The following WNK4 variants were observed in gnomAD, a reference collection of about 807,000 sequenced individuals.
The protein encoded by WNK4 is serine/threonine-protein kinase WNK4.
A neutral mutation model predicts 116.2 loss-of-function variants in WNK4; 94 were observed. The observed-to-expected ratio is 0.81, with a 90% CI of 0.68 to 0.96. The LOEUF is 0.96. WNK4 is among the 40% of genes least tolerant of loss of function. The probability of loss-of-function intolerance (pLI) is 0.00; values close to 1 mark genes in which losing one functional copy is unlikely to be tolerated. For missense variants in WNK4, 1,542 were observed against 1,650.6 expected, an observed-to-expected ratio of 0.93 and a Z score of 1.14; for synonymous variants, 655 against 672.7, an observed-to-expected ratio of 0.97 and a Z score of 0.41.
At chr17:42,790,216 C>G (rs1597900647) in intron 11 of WNK4, among the ~76,000 whole-genome samples, 1 of 152,146 alleles carries the variant, frequency 6.6e-6, no homozygotes. Context: ...ATAAGTTACT[C>G]TGTAATCCAG....
intron 10 of WNK4, 74 bp from the exon 11 acceptor site, chr17:42,788,607 G>A (rs755352419): frequency 3.0e-6 from 4 of 1,331,968 alleles, no homozygotes; most frequent in Non-Finnish European, 4.3e-6. Context: ...CTGTCACTTG[G>A]CTGGGGTAGG....
intron 2 of WNK4, 171 bp from the exon 3 acceptor site, chr17:42,783,766 T>G: frequency 1.5e-6 from 1 of 674,358 alleles, no homozygotes; most frequent in Non-Finnish European, 2.6e-6. Context: ...CTATCCACCA[T>G]GCCCCCTGAC....
rs760019916 is a variant in WNK4 at position 42,796,458 on chromosome 17, T to A, written c.3632-23T>A. The A allele has an allele frequency of 2.5e-6, 4 of 1,613,930 alleles. No individual in the cohort carries two copies. In the Admixed American group the frequency reaches 6.7e-5, roughly 27 times the overall value. Reference sequence around the variant, plus strand: ...CCTCCCCTTTCCTCACTTAGTGCTCTCCTTCCCCCATCCTGCTCCCAGGCA... The same window carrying A: ...CCTCCCCTTTCCTCACTTAGTGCTCACCTTCCCCCATCCTGCTCCCAGGCA... On this transcript the variant is annotated intron_variant, in intron 17 of 18. Transcript: ENST00000246914.
chr17:42,787,778 C>T lies in WNK4; in HGVS notation c.1742C>T (p.Ser581Leu), dbSNP rs2054566711. 4.3e-6 allele frequency: 7 copies of T among 1,611,766 alleles called. No individual in the cohort carries two copies. The highest frequency in any genetic ancestry group is 4.2e-6 in the Non-Finnish European group (5 of 1,180,028). The change falls in exon 8 of 19, where the codon TCG becomes TTG. Residue 581 changes from serine (S) to leucine (L), a missense_variant and splice_region_variant. Transcript: ENST00000246914. ...TTTGATCCTCTCCCTCCCCAACCAG[C>T]GGATTGCGAGACTGATGGCTACCTC... ...FRHASYSSTT[S>L]DCETDGYLSS...
rs561117087 is a variant in WNK4, at chr17:42,785,907, A to G, written c.1476+425A>G. Among the ~76,000 whole-genome samples, 53 of 152,040 alleles carry G rather than the reference A, an allele frequency of 3.5e-4. 1 individual carries two copies. The highest frequency in any genetic ancestry group is 1.3e-3 in the African/African-American group (52 of 41,462). ...CATGTTCTCGGTTACAGCACTCCCC[A>G]CTATCGGTCCTGTCTTAAACCTGAA... On this transcript the variant is annotated intron_variant, in intron 6 of 18. Coordinates refer to ENST00000246914, the MANE Select transcript of WNK4 (RefSeq NM_032387.5).
Position 42,785,413 on chromosome 17 carries a change from G to A in WNK4, c.1407G>A (p.Arg469=), listed in dbSNP as rs1352064466. 5.7e-6 allele frequency: 9 copies of A among 1,568,306 alleles called. No homozygotes were observed. Among genetic ancestry groups the A allele is most frequent in the Non-Finnish European group, 7.8e-6 (9 of 1,156,276 alleles). Residue 469 remains arginine (R), a synonymous_variant, in exon 6 of 19, where the codon CGG becomes CGA. Coordinates refer to ENST00000246914, the MANE Select transcript of WNK4 (RefSeq NM_032387.5). ...MEDARRGGRP[R]DNQAIEFLFQ... ...ACGCGCGGCGCGGGGGGCGCCCACGGGACAACCAGGCCATCGAGTTCCTGT... is the reference window on the plus strand; with the variant it reads ...ACGCGCGGCGCGGGGGGCGCCCACGAGACAACCAGGCCATCGAGTTCCTGT...
chr17:42,788,353 A>T lies in WNK4; in HGVS notation c.1986A>T (p.Arg662Ser). 1 of 1,613,444 alleles carries T rather than the reference A, an allele frequency of 6.2e-7. No homozygotes were observed. The highest frequency in any genetic ancestry group is 1.3e-5 in the African/African-American group (1 of 74,894). The change falls in exon 10 of 19, where the codon AGA (arginine) becomes AGT (serine). Residue 662 changes from arginine (R) to serine (S), a missense_variant. This residue lies in a region of WNK4 where 808 missense variants were observed against 873.6 expected (regional missense o/e 0.92). Coordinates refer to ENST00000246914, the MANE Select transcript of WNK4 (RefSeq NM_032387.5). ...DVGEGMGQMR[R>S]PPGRNLRRRP... The stretch of plus-strand genomic sequence containing the variant: ...GAGAAGGGATGGGACAAATGAGGAG[A>T]CCCCCAGGGAGGAATCTCCGGCGCA...
At position 42,788,358 on chromosome 17, in the gene WNK4, C is replaced by T. The variant is rs751681621; in HGVS notation, c.1991C>T (p.Pro664Leu). The part of the protein sequence containing the change: ...GEGMGQMRRP[P>L]GRNLRRRPRS... ...GGGATGGGACAAATGAGGAGACCCCCAGGGAGGAATCTCCGGCGCAGACCC... is the reference window on the plus strand; with the variant it reads ...GGGATGGGACAAATGAGGAGACCCCTAGGGAGGAATCTCCGGCGCAGACCC... Residue 664 changes from proline to leucine, a missense_variant, in exon 10 of 19, where the codon CCA becomes CTA. Around this residue, in one of 7 missense-constraint regions of WNK4, gnomAD observed 808 missense variants for 873.6 expected, o/e 0.92. Coordinates refer to ENST00000246914, the MANE Select transcript of WNK4 (RefSeq NM_032387.5). The T allele has an allele frequency of 1.5e-5, 24 of 1,613,700 alleles. No homozygotes were observed. In the East Asian group the frequency reaches 3.3e-4, roughly 22 times the overall value.
rs757371677 is a variant in WNK4 at position 42,794,821 on chromosome 17, C to T, written c.2400C>T (p.Phe800=). Residue 800 remains phenylalanine, a synonymous_variant, in exon 14 of 19, where the codon TTC becomes TTT. Transcript: ENST00000246914. ...TSLEHRSWTA[F]STSSSSPGTP... ...TGGAGCACAGGAGCTGGACAGCCTT[C>T]TCCACCTCCTCATCTTCTCCTGGAA... 11 of 1,613,952 alleles carry T rather than the reference C, an allele frequency of 6.8e-6. No individual in the cohort carries two copies. Among genetic ancestry groups the T allele is most frequent in the Middle Eastern group, 1.6e-4 (1 of 6,062 alleles).
intron 10 of WNK4, 39 bp from the exon 11 acceptor site, chr17:42,788,642 G>T: frequency 6.5e-7 from 1 of 1,536,908 alleles, no homozygotes; most frequent in South Asian, 1.1e-5. Context: ...TGATGAAGAG[G>T]GCTTGACCTT....
chr17:42,794,333 C>T, intron 12 of WNK4: 1 of 514,000 alleles, frequency 1.9e-6, no homozygotes, highest in South Asian at 2.5e-5. Context: ...CCAGATTTGC[C>T]ACTTGTTAGT....
At position 42,780,987 on chromosome 17, in the gene WNK4, A is replaced by T; in HGVS notation, c.289A>T (p.Ser97Cys). ...PDSAGPGPAR[S>C]PPPSSKEPPE... ...CTCCGCTGGTCCTGGCCCCGCGAGG[A>T]GCCCACCGCCTAGCTCCAAAGAACC... Residue 97 changes from serine to cysteine, a missense_variant, in exon 1 of 19, where the codon AGC becomes TGC. This residue lies in a region of WNK4 where 243 missense variants were observed against 217.8 expected (regional missense o/e 1.12). Coordinates refer to ENST00000246914, the MANE Select transcript of WNK4 (RefSeq NM_032387.5). 6.2e-7 allele frequency: 1 copy of T among 1,610,070 alleles called. No individual in the cohort carries two copies. The highest frequency in any genetic ancestry group is 8.5e-7 in the Non-Finnish European group (1 of 1,179,268).
At chr17:42,794,056 G>A (rs59534595) in intron 12 of WNK4, 17,407 of 348,710 alleles carry the variant, frequency 0.05, 1,659 homozygotes, top group African/African-American at 0.24. Context: ...GGGTTTCACC[G>A]TGTTAGCCAG....
At position 42,793,705 on chromosome 17, in the gene WNK4, T is replaced by C. The variant is rs1341100962; in HGVS notation, c.2271T>C (p.Ala757=). The C allele has an allele frequency of 6.2e-7, 1 of 1,614,146 alleles. No homozygotes were observed. Among genetic ancestry groups the C allele is most frequent in the Admixed American group, 1.7e-5 (1 of 60,018 alleles). The change falls in exon 12 of 19, where the codon GCT becomes GCC. Residue 757 remains alanine (A), a synonymous_variant. Coordinates refer to ENST00000246914, the MANE Select transcript of WNK4 (RefSeq NM_032387.5). ...AGAGAGACACTGGCCCCATGGAGGC[T>C]GCTGAAGACACCCTAAGCCCCCAGG... is the stretch of plus-strand genomic sequence containing the variant. ...LLKRDTGPME[A]AEDTLSPQEE...
At position 42,781,264 on chromosome 17, in the gene WNK4, A is replaced by G. The variant is rs770964274; in HGVS notation, c.566A>G (p.Tyr189Cys). 3.1e-6 allele frequency: 5 copies of G among 1,614,168 alleles called. No homozygotes were observed. Among genetic ancestry groups the G allele is most frequent in the Non-Finnish European group, 4.2e-6 (5 of 1,180,014 alleles). ...EIGRGSFKTV[Y>C]RGLDTDTTVE... Reference sequence around the variant, plus strand: ...GGACGTGGCTCCTTCAAGACGGTGTATCGAGGGCTAGACACCGACACCACA... The same window carrying G: ...GGACGTGGCTCCTTCAAGACGGTGTGTCGAGGGCTAGACACCGACACCACA... Residue 189 changes from tyrosine (Y) to cysteine (C), a missense_variant, in exon 1 of 19, where the codon TAT becomes TGT. By Grantham distance (194) the Tyr-to-Cys change is radical. Coordinates refer to ENST00000246914, the MANE Select transcript of WNK4 (RefSeq NM_032387.5).
rs376404874 is a variant in WNK4 at position 42,793,640 on chromosome 17, C to T, written c.2206C>T (p.Arg736Trp). The change falls in exon 12 of 19, where the codon CGG (arginine) becomes TGG (tryptophan). Residue 736 changes from arginine to tryptophan, a missense_variant. Physicochemically the swap from Arg to Trp is moderately radical, Grantham distance 101. Coordinates refer to ENST00000246914, the MANE Select transcript of WNK4 (RefSeq NM_032387.5). ...LPSERDGFLR[R>W]IREIIQRVET... ...TTCGGAGCGAGATGGATTTCTCAGA[C>T]GGATTCGGGAGATTATCCAGCGAGT... 27 of 1,613,952 alleles carry T rather than the reference C, an allele frequency of 1.7e-5. No individual in the cohort carries two copies. Among genetic ancestry groups the T allele is most frequent in the Admixed American group, 8.3e-5 (5 of 59,996 alleles).
In WNK4 at chr17:42,796,531, C is replaced by G; in HGVS notation, c.3682C>G (p.Gln1228Glu). ...LSGSSTGSQE[Q>E]RASKGVTFAG... ...TGGCAGCAGCACCGGCTCCCAGGAG[C>G]AGCGGGCAAGCAAGGGGGTGACATT... The change falls in exon 18 of 19, where the codon CAG (glutamine) becomes GAG (glutamate). Residue 1228 changes from glutamine to glutamate, a missense_variant. Transcript: ENST00000246914. 1.2e-6 allele frequency: 2 copies of G among 1,614,070 alleles called. No individual in the cohort carries two copies. Among genetic ancestry groups the G allele is most frequent in the South Asian group, 1.1e-5 (1 of 91,090 alleles).
In WNK4 at chr17:42,793,694, C is replaced by T. The variant is rs1341379920; in HGVS notation, c.2260C>T (p.Pro754Ser). Residue 754 changes from proline to serine, a missense_variant, in exon 12 of 19, where the codon CCC (proline) becomes TCC (serine). Pro to Ser is a moderately conservative substitution (Grantham distance 74). Transcript: ENST00000246914. ...GACCCTGTTGAAGAGAGACACTGGC[C>T]CCATGGAGGCTGCTGAAGACACCCT... ...VETLLKRDTGPMEAAEDTLSP... is the reference protein window; with the variant it reads ...VETLLKRDTGSMEAAEDTLSP... 1 of 1,614,018 alleles carries T rather than the reference C, an allele frequency of 6.2e-7. No individual in the cohort carries two copies. Among genetic ancestry groups the T allele is most frequent in the Admixed American group, 1.7e-5 (1 of 60,016 alleles).
chr17:42,791,650 A>AG (rs1216630446), intron 11 of WNK4, among the ~76,000 whole-genome samples: 2 of 150,586 alleles, frequency 1.3e-5, no homozygotes, highest in African/African-American at 4.9e-5. Flanking sequence ...AAAAAAAAAA[A>AG]AAGAAGAAAG....
Sources: gnomAD v4.1 joint callset for allele counts (sites outside exome capture counted in the v4.1 genomes callset) on GRCh38, gnomAD v4.1.1 for gene constraint, gnomAD v4.1.1 regional missense constraint, MANE v1.5 for transcripts, NCBI Gene and HGNC (gene_info 2026-07-23, HGNC 2026-07-21) for gene names.